TWF1: variants seen among roughly 807,000 people sequenced by gnomAD.
The protein encoded by TWF1 is twinfilin-1.
TWF1 carries 14 observed loss-of-function variants against 47.9 expected under a neutral mutation model. The observed-to-expected ratio is 0.29, with a 90% CI of 0.19 to 0.46. TWF1 has a LOEUF of 0.46. TWF1 is among the 20% of genes least tolerant of loss of function. TWF1 has a pLI of 1.00. For missense variants in TWF1, 281 were observed against 409.3 expected (o/e 0.69, Z 2.70); for synonymous variants, 96 against 139.2 (o/e 0.69, Z 2.18).
In TWF1 at chr12:43,799,390, T is replaced by G. The variant is rs751880347; in HGVS notation, c.483+8A>C. 1.9e-6 allele frequency: 3 copies of G among 1,582,108 alleles called. No homozygotes were observed. The East Asian group carries it at 6.7e-5, about 35-fold the overall frequency. On this transcript the variant is annotated splice_region_variant and intron_variant, in intron 5 of 8. Coordinates refer to ENST00000395510, the MANE Select transcript of TWF1 (RefSeq NM_002822.5). The stretch of plus-strand genomic sequence containing the variant: ...AAATCTTGCAAAGACTTTGTAGTTG[T>G]AACTTACCTCATTGATTTTAATCTG...
chr12:43,805,918 T>C (rs1942755461), intron 1 of TWF1: 9 of 1,506,092 alleles, frequency 6.0e-6, no homozygotes, highest in Non-Finnish European at 8.0e-6. Context: ...GTTGGGCGAC[T>C]GTCGGGGACG....
intron 8 of TWF1, among the ~76,000 whole-genome samples, chr12:43,796,214 T>C (rs952961555): frequency 6.6e-6 from 1 of 152,128 alleles, no homozygotes; most frequent in African/African-American, 2.4e-5. Flanking sequence ...ACAGAGATTA[T>C]ATGTGGCTTG....
chr12:43,804,651 A>C (rs1942724598), intron 1 of TWF1, 79 bp from the exon 2 acceptor site: 8 of 954,374 alleles, frequency 8.4e-6, no homozygotes, highest in South Asian at 6.7e-5. Flanking sequence ...AAAGTTAATT[A>C]GAATACAAAG....
At chr12:43,797,189 A>G (rs947862217) in intron 7 of TWF1, 92 bp from the exon 8 acceptor site, 4 of 1,474,790 alleles carry the variant, frequency 2.7e-6, no homozygotes, top group Admixed American at 2.2e-5. Context: ...ACAAGTACAG[A>G]AACTTCATAA....
intron 1 of TWF1, chr12:43,805,639 T>C (rs1290534592): frequency 9.1e-6 from 5 of 549,094 alleles, no homozygotes; most frequent in Admixed American, 2.3e-5. Context: ...GGGGAGTATC[T>C]AGGAAAAAGA....
rs377299736 is a variant in TWF1, at chr12:43,795,772, T to C, written c.883-17A>G. 164 of 1,610,816 alleles carry C rather than the reference T, an allele frequency of 1.0e-4. No homozygotes were observed. The highest frequency in any genetic ancestry group is 1.7e-4 in the Middle Eastern group (1 of 6,044). ...TATCTCGATCTGTAAAAGATAAAAT[T>C]AGAAGCACAACATTCAAAACCTAAT... On this transcript the variant is annotated splice_polypyrimidine_tract_variant and intron_variant, in intron 8 of 8. Coordinates refer to ENST00000395510, the MANE Select transcript of TWF1 (RefSeq NM_002822.5).
At chr12:43,796,129 C>T (rs975035357) in intron 8 of TWF1, among the ~76,000 whole-genome samples, 1 of 152,076 alleles carries the variant, frequency 6.6e-6, no homozygotes, top group Non-Finnish European at 1.5e-5. Context: ...AACCATGGCC[C>T]GAAGGCCAAA....
rs553791553 is a variant in TWF1 at position 43,806,089 on chromosome 12, G to C, written c.25+132C>G. The C allele has an allele frequency of 3.3e-6, 5 of 1,519,156 alleles. No homozygotes were observed. In the South Asian group the frequency reaches 6.0e-5, roughly 18 times the overall value. 94.1% of individuals were successfully genotyped at this position (1,519,156 alleles called of 1,614,324 possible). A position where few individuals can be genotyped will look rare whatever the true frequency, so the allele number is the denominator to read the frequency against. On this transcript the variant is annotated intron_variant, in intron 1 of 8. Coordinates refer to ENST00000395510, the MANE Select transcript of TWF1 (RefSeq NM_002822.5). ...AGCAGGAGCGCGGAGAGGCGCCGAG[G>C]CCCGGCTCGCCCCGCGAGACCGACT...
At chr12:43,804,731 CTG>C (rs1244934992) in intron 1 of TWF1, among the ~76,000 whole-genome samples, 159 bp from the exon 2 acceptor site, 1 of 152,134 alleles carries the variant, frequency 6.6e-6, no homozygotes, top group Non-Finnish European at 1.5e-5. Context: ...ATAACGAAGA[CTG>C]TATACAATTA....
chr12:43,799,137 T>C (rs1263827437), intron 5 of TWF1, among the ~76,000 whole-genome samples: 3 of 152,096 alleles, frequency 2.0e-5, no homozygotes, highest in African/African-American at 7.2e-5. Context: ...ACAACAGTTG[T>C]ACTTCAAAAG....
At chr12:43,795,963 GTTCT>G (rs1465803082) in intron 8 of TWF1, among the ~76,000 whole-genome samples, 2 of 152,024 alleles carry the variant, frequency 1.3e-5, no homozygotes, top group East Asian at 1.9e-4. Context: ...TTCCTTCTTG[GTTCT>G]TTCTTAGTGC....
intron 3 of TWF1, among the ~76,000 whole-genome samples, chr12:43,801,581 G>T (rs189226647): frequency 6.6e-6 from 1 of 152,106 alleles, no homozygotes; most frequent in East Asian, 1.9e-4. Context: ...TTGTATGCAG[G>T]CCCATCACTT....
chr12:43,805,586 T>A (rs1403144242), intron 1 of TWF1: 1 of 468,374 alleles, frequency 2.1e-6, no homozygotes, highest in South Asian at 1.5e-5. Flanking sequence ...CATATTGAAC[T>A]GTCTGCACGC....
intron 1 of TWF1, chr12:43,805,821 G>GA (rs762259539): frequency 3.6e-6 from 5 of 1,377,042 alleles, no homozygotes; most frequent in Non-Finnish European, 4.8e-6. Flanking sequence ...CCATGAAAAA[G>GA]AAAACTCGCC....
chr12:43,797,554 TGGA>T, intron 6 of TWF1, 102 bp from the exon 7 acceptor site: 1 of 1,369,938 alleles, frequency 7.3e-7, no homozygotes, highest in Admixed American at 2.5e-5. Context: ...AACTTAGTTC[TGGA>T]TGGTTTGACT....
chr12:43,801,947 T>C (rs1942669140), intron 3 of TWF1, among the ~76,000 whole-genome samples: 1 of 152,152 alleles, frequency 6.6e-6, no homozygotes, highest in African/African-American at 2.4e-5. Flanking sequence ...GGAAAATCAC[T>C]TGAGCCTGGG....
intron 5 of TWF1, 23 bp from the exon 6 acceptor site, chr12:43,797,856 A>G (rs1484151700): frequency 1.9e-6 from 3 of 1,606,868 alleles, no homozygotes; most frequent in Non-Finnish European, 1.7e-6. Flanking sequence ...GATTTAATTT[A>G]CAAGTTTAGC....
Position 43,794,753 on chromosome 12 carries a change from G to C in TWF1, c.*832C>G, listed in dbSNP as rs866944834. The C allele has an allele frequency of 2.6e-5, 4 of 152,326 alleles. No homozygotes were observed. The highest frequency in any genetic ancestry group is 1.9e-4 in the East Asian group (1 of 5,202). The allele number at this position is 152,326 out of a possible 1,614,324, so 9.4% of individuals were successfully genotyped here. ...TAATTTTAAATCTGAGTATTTGCTCGGAAGTGATAAAGAACACAATTTGCC... is the reference window on the plus strand; with the variant it reads ...TAATTTTAAATCTGAGTATTTGCTCCGAAGTGATAAAGAACACAATTTGCC... On this transcript the variant is annotated 3_prime_UTR_variant, in exon 9 of 9. Coordinates refer to ENST00000395510, the MANE Select transcript of TWF1 (RefSeq NM_002822.5).
intron 4 of TWF1, among the ~76,000 whole-genome samples, chr12:43,799,952 AC>A (rs919381058): frequency 1.1e-4 from 17 of 152,130 alleles, no homozygotes; most frequent in African/African-American, 3.9e-4. Context: ...AAAAAATACT[AC>A]AAAGAGGTCT....
Sources: allele counts gnomAD v4.1 joint callset (sites outside exome capture counted in the v4.1 genomes callset), GRCh38; gene constraint gnomAD v4.1.1; transcripts MANE v1.5; gene names NCBI Gene and HGNC (gene_info 2026-07-23, HGNC 2026-07-21).